Variants in DCC observed in about 807,000 individuals in gnomAD.
The protein encoded by DCC is DCC netrin 1 receptor.
Under a neutral mutation model 172.5 loss-of-function variants are expected in DCC, and 58 were observed. The ratio of observed to expected loss-of-function variants is 0.34; its 90% CI spans 0.27 to 0.42. The LOEUF is 0.42. DCC is among the 10% of genes least tolerant of loss of function. DCC has a pLI of 1.00. For synonymous variants in DCC, 709 were observed against 644.5 expected (o/e 1.10, Z -1.52); for missense variants, 1,740 against 1,791.0 (o/e 0.97, Z 0.51).
chr18:52,593,609 G>C (rs1429365422), intron 1 of DCC, among the ~76,000 whole-genome samples: 1 of 152,040 alleles, frequency 6.6e-6, no homozygotes, highest in Non-Finnish European at 1.5e-5. Flanking sequence ...TAACATCAAT[G>C]CATTAATCTT....
At chr18:53,194,448 TTTG>T (rs935833790) in intron 9 of DCC, among the ~76,000 whole-genome samples, 5 of 152,000 alleles carry the variant, frequency 3.3e-5, no homozygotes, top group Admixed American at 1.3e-4. Flanking sequence ...GTGGTGGTTT[TTTG>T]TTGTTGTTGT....
chr18:53,373,077 C>G (rs2058075285), intron 15 of DCC, among the ~76,000 whole-genome samples: 1 of 152,102 alleles, frequency 6.6e-6, no homozygotes, highest in Non-Finnish European at 1.5e-5. Flanking sequence ...TGTTTGCTTT[C>G]CTTTATCAGA....
intron 25 of DCC, among the ~76,000 whole-genome samples, chr18:53,470,751 A>G (rs574448361): frequency 6.6e-6 from 1 of 152,188 alleles, no homozygotes; most frequent in African/African-American, 2.4e-5. Context: ...ACGAAGGGGG[A>G]AGAGCCCCAT....
At chr18:52,774,749 T>A (rs546823016) in intron 2 of DCC, among the ~76,000 whole-genome samples, 2 of 106,360 alleles carry the variant, frequency 1.9e-5, no homozygotes, top group Admixed American at 1.0e-4. Context: ...AGCCTTTGCC[T>A]GCTGGGAAAG....
At chr18:52,905,924 A>C in intron 2 of DCC, 120 bp from the exon 3 acceptor site, 1 of 788,886 alleles carries the variant, frequency 1.3e-6, no homozygotes, top group East Asian at 2.7e-5. Flanking sequence ...ATGAGACGAT[A>C]TTTGAGAAAA....
chr18:52,543,485 C>A (rs2032524290), intron 1 of DCC, among the ~76,000 whole-genome samples: 1 of 152,146 alleles, frequency 6.6e-6, no homozygotes, highest in African/African-American at 2.4e-5. Flanking sequence ...AAAAACCAAC[C>A]TTGAATTGCT....
At chr18:52,603,649 T>C (rs2034063906) in intron 1 of DCC, among the ~76,000 whole-genome samples, 1 of 147,490 alleles carries the variant, frequency 6.8e-6, no homozygotes, top group Non-Finnish European at 1.5e-5. Context: ...AAAACAAAAA[T>C]TGACAAAGCA....
chr18:53,307,205 C>T (rs1274632886), intron 13 of DCC, among the ~76,000 whole-genome samples: 2 of 152,076 alleles, frequency 1.3e-5, no homozygotes, highest in African/African-American at 4.8e-5. Flanking sequence ...TAAATATGGA[C>T]AAAATCTCTG....
intron 7 of DCC, among the ~76,000 whole-genome samples, chr18:53,108,129 T>C (rs1446420208): frequency 6.6e-6 from 1 of 151,518 alleles, no homozygotes; most frequent in Non-Finnish European, 1.5e-5. Flanking sequence ...ATATTTTCTA[T>C]TATGAAACAT....
chr18:53,394,179 T>A (rs1450850413), intron 17 of DCC, among the ~76,000 whole-genome samples: 1 of 152,180 alleles, frequency 6.6e-6, no homozygotes, highest in Non-Finnish European at 1.5e-5. Flanking sequence ...ATGGGTTGGC[T>A]TTGCAACCTC....
intron 1 of DCC, among the ~76,000 whole-genome samples, chr18:52,592,284 A>G (rs932193357): frequency 1.3e-5 from 2 of 152,204 alleles, no homozygotes; most frequent in Non-Finnish European, 2.9e-5. Flanking sequence ...AACTTTTTGC[A>G]GAGGAAAGAA....
chr18:53,127,677 T>C (rs2043585726), intron 7 of DCC, among the ~76,000 whole-genome samples: 1 of 152,166 alleles, frequency 6.6e-6, no homozygotes, highest in African/African-American at 2.4e-5. Context: ...AATATCTACA[T>C]AAATATTTTT....
rs59563559 is a variant in DCC, at chr18:53,351,512, T to TAA, written c.2359+11606_2359+11607dup. ...TATAGTGTGTATATATATATATATATAATTGGAATATATGTGTCATTGGAA... is the reference window on the plus strand; with the variant it reads ...TATAGTGTGTATATATATATATATATAAAATTGGAATATATGTGTCATTGGAA... On this transcript the variant is annotated intron_variant, in intron 15 of 28. Coordinates refer to ENST00000442544, the MANE Select transcript of DCC (RefSeq NM_005215.4). 5.4e-3 allele frequency among the ~76,000 whole-genome samples: 647 copies of TAA among 120,496 alleles called. 23 individuals are homozygous for TAA. The highest frequency in any genetic ancestry group is 0.019 in the African/African-American group (627 of 32,210). 79.1% of individuals were successfully genotyped at this position (120,496 alleles called of 152,430 possible).
intron 3 of DCC, among the ~76,000 whole-genome samples, chr18:52,911,045 T>C (rs1420201643): frequency 1.3e-5 from 2 of 152,144 alleles, no homozygotes; most frequent in Non-Finnish European, 2.9e-5. Context: ...CATTAAACTT[T>C]TCAGTTTTGC....
At chr18:52,522,981 A>G (rs1169777665) in intron 1 of DCC, among the ~76,000 whole-genome samples, 1 of 152,188 alleles carries the variant, frequency 6.6e-6, no homozygotes, top group Non-Finnish European at 1.5e-5. Context: ...ACAGACTAAA[A>G]TTATTCTGGT....
At chr18:53,079,846 C>T (rs757996065) in intron 7 of DCC, among the ~76,000 whole-genome samples, 1 of 152,028 alleles carries the variant, frequency 6.6e-6, no homozygotes, top group African/African-American at 2.4e-5. Flanking sequence ...AGAGCAGAAG[C>T]AAAAGTATGT....
intron 2 of DCC, among the ~76,000 whole-genome samples, chr18:52,810,911 C>T (rs2038184629): frequency 6.6e-6 from 1 of 152,044 alleles, no homozygotes. Flanking sequence ...TTGGCTGACT[C>T]CTGTACTCTT....
intron 1 of DCC, among the ~76,000 whole-genome samples, chr18:52,573,403 G>C (rs2033344678): frequency 6.6e-6 from 1 of 152,054 alleles, no homozygotes; most frequent in South Asian, 2.1e-4. Context: ...GCAGTAAAAA[G>C]GACCATTTAG....
In DCC at chr18:53,017,940, T is replaced by A. The variant is rs540738257; in HGVS notation, c.986-45365T>A. Reference sequence around the variant, plus strand: ...TCATTGCCTGTTCTTAATTCCTAAGTTTAGAACATTTGGGTTGCAACAGCA... The same window carrying A: ...TCATTGCCTGTTCTTAATTCCTAAGATTAGAACATTTGGGTTGCAACAGCA... On this transcript the variant is annotated intron_variant, in intron 5 of 28. Transcript: ENST00000442544. Among the ~76,000 whole-genome samples, 13 of 152,302 alleles carry A rather than the reference T, an allele frequency of 8.5e-5. No homozygotes were observed. In the East Asian group the frequency reaches 2.5e-3, roughly 29 times the overall value.
Sources: gnomAD v4.1 joint callset for allele counts (sites outside exome capture counted in the v4.1 genomes callset) on GRCh38, gnomAD v4.1.1 for gene constraint, MANE v1.5 for transcripts, NCBI Gene and HGNC (gene_info 2026-07-23, HGNC 2026-07-21) for gene names.